Variants in CEP128 observed in about 807,000 individuals in gnomAD.
The protein encoded by CEP128 is centrosomal protein 128kDa.
In CEP128, 132 loss-of-function variants were observed where a neutral mutation model predicts 156.7. The observed-to-expected ratio is 0.84, with a 90% CI of 0.73 to 0.97. CEP128 has a LOEUF of 0.97. Among genes scored for constraint, CEP128 ranks in the 50% least tolerant of loss-of-function variants. The pLI is 0.00. For synonymous variants in CEP128, 469 were observed against 448.9 expected, an observed-to-expected ratio of 1.04 and a Z score of -0.57; for missense variants, 1,252 against 1,281.9, an observed-to-expected ratio of 0.98 and a Z score of 0.36.
At chr14:80,488,109 CA>C (rs1887210606), downstream of CEP128, among the ~76,000 whole-genome samples, 1 of 140,968 alleles carries the variant, frequency 7.1e-6, no homozygotes, top group South Asian at 2.5e-4. Context: ...AAAAGATCAA[CA>C]AAATCAATAG....
intron 9 of CEP128, among the ~76,000 whole-genome samples, chr14:80,844,158 C>A (rs538491918): frequency 5.3e-5 from 8 of 151,238 alleles, no homozygotes; most frequent in East Asian, 1.9e-4. Context: ...CCAACAAAAA[C>A]CAAAACAAAA....
intron 19 of CEP128, among the ~76,000 whole-genome samples, chr14:80,717,383 G>T (rs1897645873): frequency 1.3e-5 from 2 of 152,118 alleles, no homozygotes; most frequent in South Asian, 4.1e-4. Flanking sequence ...ATTAACAAAT[G>T]AATTTCACTT....
chr14:80,785,515 G>A lies in CEP128; in HGVS notation c.1591C>T (p.Gln531Ter). The change falls in exon 15 of 25, where the codon CAG (glutamine) becomes TAG (stop). Residue 531 changes from glutamine (Q) to a stop codon, truncating the protein, a stop_gained. Transcript: ENST00000555265. LOFTEE classifies it high-confidence loss of function. ...ATTTGTTGTAATGCTGCATACAGCTGGGTTTTCAATTCATCCTTTTCTTTT... is the reference window on the plus strand; with the variant it reads ...ATTTGTTGTAATGCTGCATACAGCTAGGTTTTCAATTCATCCTTTTCTTTT... Reference protein sequence around the residue: ...ILKEKDELKTQLYAALQQIEN... With the variant: ...ILKEKDELKT The A allele has an allele frequency of 6.2e-7, 1 of 1,611,296 alleles. No homozygotes were observed. Among genetic ancestry groups the A allele is most frequent in the South Asian group, 1.1e-5 (1 of 90,520 alleles).
intron 19 of CEP128, among the ~76,000 whole-genome samples, chr14:80,655,693 C>T (rs2140871920): frequency 6.6e-6 from 1 of 152,222 alleles, no homozygotes; most frequent in Admixed American, 6.5e-5. Context: ...GAAAGAGGCA[C>T]CTACCCTTTG....
chr14:80,592,245 T>C (rs543631611), intron 19 of CEP128, among the ~76,000 whole-genome samples: 3 of 152,092 alleles, frequency 2.0e-5, no homozygotes, highest in Non-Finnish European at 4.4e-5. Flanking sequence ...ACTAACAAAA[T>C]AGACCACTAT....
intron 16 of CEP128, among the ~76,000 whole-genome samples, chr14:80,765,321 C>A (rs1900185934): frequency 6.6e-6 from 1 of 152,182 alleles, no homozygotes; most frequent in African/African-American, 2.4e-5. Flanking sequence ...GCAAGCACAG[C>A]TAATTCTGGG....
chr14:80,879,706 T>G (rs1888441171), intron 8 of CEP128, among the ~76,000 whole-genome samples: 1 of 152,034 alleles, frequency 6.6e-6, no homozygotes, highest in South Asian at 2.1e-4. Flanking sequence ...AGCAAACAAA[T>G]GTTCACATTA....
chr14:80,564,248 G>A (rs1890816891), intron 20 of CEP128, among the ~76,000 whole-genome samples: 1 of 152,180 alleles, frequency 6.6e-6, no homozygotes, highest in Non-Finnish European at 1.5e-5. Flanking sequence ...CTTAATGACT[G>A]TACATGTAGT....
intron 13 of CEP128, among the ~76,000 whole-genome samples, chr14:80,822,139 CT>C (rs1885221159): frequency 6.6e-6 from 1 of 152,182 alleles, no homozygotes; most frequent in Non-Finnish European, 1.5e-5. Context: ...CATTCCGCCC[CT>C]GGCCCCTCCA....
chr14:80,817,523 A>C (rs2139978990), intron 13 of CEP128, among the ~76,000 whole-genome samples: 1 of 152,332 alleles, frequency 6.6e-6, no homozygotes, highest in African/African-American at 2.4e-5. Context: ...AATATCAGTA[A>C]AGAGATGGAA....
intron 19 of CEP128, among the ~76,000 whole-genome samples, chr14:80,729,501 T>C (rs1243323556): frequency 6.6e-6 from 1 of 152,154 alleles, no homozygotes; most frequent in African/African-American, 2.4e-5. Flanking sequence ...AGAGTCTTTT[T>C]TCATATAATT....
chr14:80,605,963 T>TA (rs1422988533), intron 19 of CEP128, among the ~76,000 whole-genome samples: 2 of 151,776 alleles, frequency 1.3e-5, no homozygotes, highest in East Asian at 3.9e-4. Flanking sequence ...GTATAAACTT[T>TA]AAAAAATTAT....
chr14:80,519,856 G>A (rs756035603), intron 23 of CEP128, among the ~76,000 whole-genome samples: 1 of 152,046 alleles, frequency 6.6e-6, no homozygotes, highest in African/African-American at 2.4e-5. Context: ...CTCAATAAAT[G>A]GTCATATGAT....
intron 21 of CEP128, among the ~76,000 whole-genome samples, chr14:80,536,347 T>A (rs915313233): frequency 6.6e-6 from 1 of 152,324 alleles, no homozygotes; most frequent in South Asian, 2.1e-4. Context: ...TATAGTGTTA[T>A]TGAAATCATA....
intron 21 of CEP128, among the ~76,000 whole-genome samples, chr14:80,557,933 A>AT (rs893512749): frequency 6.6e-6 from 1 of 152,116 alleles, no homozygotes; most frequent in African/African-American, 2.4e-5. Flanking sequence ...CACATTTAAT[A>AT]TTTTTATCAC....
At chr14:80,908,278 TTC>T (rs1193105427) in intron 4 of CEP128, among the ~76,000 whole-genome samples, 4 of 152,086 alleles carry the variant, frequency 2.6e-5, no homozygotes, top group African/African-American at 9.7e-5. Flanking sequence ...TTTTGCCTCA[TTC>T]TCTCTCCCCT....
intron 14 of CEP128, among the ~76,000 whole-genome samples, chr14:80,484,208 G>A (rs1008574818): frequency 5.9e-5 from 9 of 152,174 alleles, no homozygotes; most frequent in African/African-American, 1.9e-4. Flanking sequence ...AAACTCCTGA[G>A]CTCAAGCAAT....
At chr14:80,888,152 A>G (rs940097618) in intron 8 of CEP128, among the ~76,000 whole-genome samples, 1 of 152,152 alleles carries the variant, frequency 6.6e-6, no homozygotes, top group Admixed American at 6.6e-5. Context: ...CTACCAACCA[A>G]AAAAAGCCCA....
chr14:80,948,266 AG>A (rs1886388889), intron 2 of CEP128, among the ~76,000 whole-genome samples: 1 of 152,224 alleles, frequency 6.6e-6, no homozygotes, highest in African/African-American at 2.4e-5. Flanking sequence ...TAAAAAAACA[AG>A]GTATTGCAGG....
Sources: gnomAD v4.1 joint callset for allele counts (sites outside exome capture counted in the v4.1 genomes callset) on GRCh38, gnomAD v4.1.1 for gene constraint, MANE v1.5 for transcripts, NCBI Gene and HGNC (gene_info 2026-07-23, HGNC 2026-07-21) for gene names.